EPCIP: variants seen among roughly 807,000 people sequenced by gnomAD.
The protein encoded by EPCIP is exosomal polycystin 1 interacting protein.
At chr21:32,805,169 A>G in the EPCIP span, among the ~76,000 whole-genome samples, 110,913 of 152,090 alleles carry the variant, frequency 0.73, 41,033 homozygotes, top group East Asian at 0.91. Flanking sequence ...TGTGGCTACA[A>G]GCTGAGAAAT....
the EPCIP span, chr21:32,793,985 C>G: frequency 1.9e-6 from 3 of 1,614,158 alleles, no homozygotes; most frequent in Non-Finnish European, 1.7e-6. Context: ...GTCACTGTCC[C>G]CACCGCTATG....
the EPCIP span, chr21:32,810,500 A>T: frequency 6.7e-6 from 3 of 447,864 alleles, no homozygotes; most frequent in Non-Finnish European, 1.3e-5. Context: ...TGACCTCGTG[A>T]TCCGCCCGCC....
At chr21:32,797,349 A>C in the EPCIP span, 6 of 209,952 alleles carry the variant, frequency 2.9e-5, no homozygotes, top group Non-Finnish European at 4.9e-5. Flanking sequence ...CCCAGGTTCC[A>C]ACGATTGTCT....
chr21:32,812,953 A>G, the EPCIP span, among the ~76,000 whole-genome samples: 69,226 of 152,006 alleles, frequency 0.46, 17,472 homozygotes, highest in African/African-American at 0.69. Flanking sequence ...TTTTAAAAAC[A>G]CGAACTATCC....
the EPCIP span, among the ~76,000 whole-genome samples, chr21:32,805,258 C>T: frequency 2.6e-5 from 4 of 152,208 alleles, no homozygotes; most frequent in Non-Finnish European, 5.9e-5. Flanking sequence ...GGCCTACTGA[C>T]ACCCTCACAG....
the EPCIP span, among the ~76,000 whole-genome samples, chr21:32,811,999 C>G: frequency 6.6e-6 from 1 of 152,158 alleles, no homozygotes; most frequent in African/African-American, 2.4e-5. Flanking sequence ...CTTGGAATTC[C>G]CAGTCTCCAG....
the EPCIP span, among the ~76,000 whole-genome samples, chr21:32,808,822 G>A: frequency 1.3e-5 from 2 of 152,224 alleles, no homozygotes; most frequent in Admixed American, 6.5e-5. Context: ...TTATCTTCAC[G>A]ATTTTTCTGT....
the EPCIP span, among the ~76,000 whole-genome samples, chr21:32,804,686 C>T: frequency 1.3e-5 from 2 of 152,060 alleles, no homozygotes; most frequent in East Asian, 1.9e-4. Context: ...ACAAGCACAG[C>T]GTAAAACAAA....
chr21:32,793,738 A>T, the EPCIP span: 1 of 1,609,752 alleles, frequency 6.2e-7, no homozygotes, highest in Non-Finnish European at 8.5e-7. Context: ...CCAAAGTTCC[A>T]GGCAGCTGGA....
chr21:32,809,432 G>A, the EPCIP span, among the ~76,000 whole-genome samples: 6 of 150,802 alleles, frequency 4.0e-5, no homozygotes, highest in South Asian at 2.1e-4. Flanking sequence ...CACCCAGGCT[G>A]GAGTGCAGTG....
the EPCIP span, among the ~76,000 whole-genome samples, chr21:32,794,763 AGCCAGAGCGAT>A: frequency 6.6e-6 from 1 of 152,230 alleles, no homozygotes; most frequent in East Asian, 1.9e-4. Flanking sequence ...CCAACAACAC[AGCCAGAGCGAT>A]GCCAGAGCGG....
At chr21:32,811,803 G>T in the EPCIP span, among the ~76,000 whole-genome samples, 2 of 152,346 alleles carry the variant, frequency 1.3e-5, no homozygotes, top group South Asian at 4.1e-4. Flanking sequence ...GTGCCCTCAT[G>T]AATGGATTAA....
the EPCIP span, among the ~76,000 whole-genome samples, chr21:32,795,076 C>G: frequency 1.2e-3 from 186 of 152,312 alleles, 2 homozygotes; most frequent in African/African-American, 4.2e-3. Context: ...CCCATCCCCA[C>G]CATATTAATC....
At chr21:32,793,492 C>A in the EPCIP span, 4 of 544,462 alleles carry the variant, frequency 7.3e-6, no homozygotes, top group Non-Finnish European at 1.3e-5. Flanking sequence ...AGAGACCAAG[C>A]CTAGCTGGCT....
chr21:32,800,459 A>C, the EPCIP span, among the ~76,000 whole-genome samples: 1 of 152,244 alleles, frequency 6.6e-6, no homozygotes, highest in Admixed American at 6.5e-5. Flanking sequence ...TGGTTTTTAA[A>C]CATGTCCAGT....
chr21:32,798,594 A>G, the EPCIP span: 1 of 152,206 alleles, frequency 6.6e-6, no homozygotes, highest in African/African-American at 2.4e-5. Context: ...CTCTTAGGCC[A>G]TTTGAGGCTG....
At chr21:32,810,253 T>C in the EPCIP span, among the ~76,000 whole-genome samples, 1 of 127,072 alleles carries the variant, frequency 7.9e-6, no homozygotes, top group African/African-American at 3.0e-5. Context: ...GATCTTTTTT[T>C]TTTTTTTTTT....
At chr21:32,810,508 G>C in the EPCIP span, 1 of 453,364 alleles carries the variant, frequency 2.2e-6, no homozygotes. Flanking sequence ...TGATCCGCCC[G>C]CCTCGGCCTC....
chr21:32,803,179 C>T, the EPCIP span, among the ~76,000 whole-genome samples: 1 of 152,136 alleles, frequency 6.6e-6, no homozygotes, highest in African/African-American at 2.4e-5. Context: ...CTTTTCTTTC[C>T]AGGAGCCAGT....
Sources: gnomAD v4.1 joint callset for allele counts (sites outside exome capture counted in the v4.1 genomes callset) on GRCh38, gnomAD v4.1.1 for gene constraint, MANE v1.5 for transcripts, NCBI Gene and HGNC (gene_info 2026-07-23, HGNC 2026-07-21) for gene names.